The following FNIP2 variants were observed in gnomAD, a reference collection of about 807,000 sequenced individuals.
FNIP2 encodes folliculin interacting protein 2, also known as folliculin-interacting protein 2.
In FNIP2, 32 loss-of-function variants were observed where a neutral mutation model predicts 108.7. That is an observed-to-expected ratio of 0.29 (90% CI 0.22 to 0.40). The LOEUF (loss-of-function observed/expected upper bound fraction) is 0.40. FNIP2 is among the 10% of genes least tolerant of loss of function. The probability of loss-of-function intolerance (pLI) is 1.00; values close to 1 mark genes in which losing one functional copy is unlikely to be tolerated. For missense variants in FNIP2, 1,202 were observed against 1,381.6 expected (o/e 0.87, Z 2.06); for synonymous variants, 480 against 496.7 (o/e 0.97, Z 0.45).
At chr4:158,870,556 G>T in intron 14 of FNIP2, 87 bp downstream of exon 14, 1 of 1,480,128 alleles carries the variant, frequency 6.8e-7, no homozygotes, top group Non-Finnish European at 9.1e-7. Flanking sequence ...ACTGAAGAGA[G>T]ACTAGTTAAG....
At chr4:158,804,758 G>A (rs1316950603) in intron 1 of FNIP2, among the ~76,000 whole-genome samples, 1 of 152,216 alleles carries the variant, frequency 6.6e-6, no homozygotes, top group Non-Finnish European at 1.5e-5. Flanking sequence ...AAAAGAGAAA[G>A]TGACTTTAAA....
At chr4:158,896,667 G>C (rs1052688424) in intron 16 of FNIP2, among the ~76,000 whole-genome samples, 4 of 151,846 alleles carry the variant, frequency 2.6e-5, no homozygotes, top group African/African-American at 9.7e-5. Flanking sequence ...TGTGTTGTTC[G>C]GCTCTTGGCA....
chr4:158,832,256 A>G (rs572159915), intron 5 of FNIP2, 118 bp downstream of exon 5: 1 of 762,778 alleles, frequency 1.3e-6, no homozygotes, highest in Non-Finnish European at 2.1e-6. Flanking sequence ...AGTCCAAATT[A>G]ACAAAGGGGC....
rs1729876096 is a variant in FNIP2 at position 158,906,765 on chromosome 4, TTTTC to T, written c.*2225_*2228del. 1 of 152,014 alleles carries T rather than the reference TTTTC, an allele frequency of 6.6e-6. No homozygotes were observed. The highest frequency in any genetic ancestry group is 2.1e-4 in the South Asian group (1 of 4,820). 9.4% of individuals were successfully genotyped at this position (152,014 alleles called of 1,614,324 possible). On this transcript the variant is annotated 3_prime_UTR_variant, in exon 17 of 17. Coordinates refer to ENST00000264433, the MANE Select transcript of FNIP2 (RefSeq NM_020840.3). The stretch of plus-strand genomic sequence containing the variant: ...ATCCTTTAAATATTTAACATTCAAG[TTTTC>T]TTTGTCTTAAATTCAGCCTCTTCCT...
intron 1 of FNIP2, among the ~76,000 whole-genome samples, chr4:158,808,086 C>A (rs1455213270): frequency 1.3e-5 from 2 of 152,192 alleles, no homozygotes; most frequent in Non-Finnish European, 2.9e-5. Context: ...TTTTCTTAAT[C>A]TCACTCTCAA....
Position 158,907,815 on chromosome 4 carries a change from A to G in FNIP2, c.*3271A>G, listed in dbSNP as rs1053776320. ...TAAATGTCAAAATATGATGAACGAT[A>G]TATCTTGAAAGTGAGATTGCAATAT... is the stretch of plus-strand genomic sequence containing the variant. On this transcript the variant is annotated 3_prime_UTR_variant, in exon 17 of 17. Coordinates refer to ENST00000264433, the MANE Select transcript of FNIP2 (RefSeq NM_020840.3). The G allele has an allele frequency of 6.6e-6, 1 of 152,214 alleles. No individual in the cohort carries two copies. The highest frequency in any genetic ancestry group is 1.5e-5 in the Non-Finnish European group (1 of 68,040). The allele number at this position is 152,214 out of a possible 1,614,324, so 9.4% of individuals were successfully genotyped here. A position where few individuals can be genotyped will look rare whatever the true frequency, so the allele number is the denominator to read the frequency against.
chr4:158,820,940 C>CT (rs1777850867), intron 1 of FNIP2, among the ~76,000 whole-genome samples: 2 of 152,242 alleles, frequency 1.3e-5, no homozygotes, highest in South Asian at 4.2e-4. Flanking sequence ...TTGAACATAT[C>CT]TTTTTTGGGG....
chr4:158,798,936 G>A (rs1776675262), intron 1 of FNIP2, among the ~76,000 whole-genome samples: 1 of 152,194 alleles, frequency 6.6e-6, no homozygotes, highest in African/African-American at 2.4e-5. Context: ...TGTTATAAAT[G>A]TTAAAAATTA....
chr4:158,808,594 T>G (rs1777098549), intron 1 of FNIP2: 1 of 152,010 alleles, frequency 6.6e-6, no homozygotes, highest in Admixed American at 6.6e-5. Context: ...TTCCAGAACT[T>G]CTTTAGGACT....
chr4:158,820,106 G>A (rs936285043), intron 1 of FNIP2, among the ~76,000 whole-genome samples: 4 of 152,052 alleles, frequency 2.6e-5, no homozygotes, highest in Admixed American at 6.5e-5. Context: ...TTTTTGTTTT[G>A]TTTCATTTTG....
At chr4:158,893,386 T>C (rs902686221) in intron 15 of FNIP2, 6 of 268,792 alleles carry the variant, frequency 2.2e-5, no homozygotes, top group Non-Finnish European at 3.5e-5. Flanking sequence ...TCTCCTATGG[T>C]TATGAAATTA....
chr4:158,893,486 A>G (rs1782419079), intron 15 of FNIP2: 2 of 520,274 alleles, frequency 3.8e-6, no homozygotes, highest in Non-Finnish European at 3.5e-6. Context: ...AGTCAATAAC[A>G]ATTAGTTTCA....
intron 14 of FNIP2, among the ~76,000 whole-genome samples, chr4:158,879,074 A>C (rs1473299966): frequency 6.7e-6 from 1 of 150,296 alleles, no homozygotes; most frequent in Admixed American, 6.6e-5. Context: ...CAGAGTGAAG[A>C]GACTTTATAG....
intron 14 of FNIP2, chr4:158,890,310 A>G (rs549880939): frequency 1.5e-5 from 15 of 984,942 alleles, no homozygotes; most frequent in Non-Finnish European, 1.6e-5. Flanking sequence ...AAAAATATAA[A>G]CCCTATTACC....
chr4:158,895,365 G>T (rs1292101384), intron 15 of FNIP2, among the ~76,000 whole-genome samples: 1 of 152,116 alleles, frequency 6.6e-6, no homozygotes, highest in Non-Finnish European at 1.5e-5. Context: ...ATGTGGTTAC[G>T]TGTAAATTCA....
At chr4:158,880,504 T>G (rs1479824389) in intron 14 of FNIP2, among the ~76,000 whole-genome samples, 1 of 152,138 alleles carries the variant, frequency 6.6e-6, no homozygotes, top group Non-Finnish European at 1.5e-5. Flanking sequence ...GACGAGTTAA[T>G]GGGTGCAGCA....
At chr4:158,816,960 G>A (rs1217743438) in intron 1 of FNIP2, among the ~76,000 whole-genome samples, 1 of 151,830 alleles carries the variant, frequency 6.6e-6, no homozygotes, top group Non-Finnish European at 1.5e-5. Flanking sequence ...GAACCATTTT[G>A]GGGAAAAATG....
intron 1 of FNIP2, 67 bp from the exon 2 acceptor site, chr4:158,825,849 T>C: frequency 6.4e-7 from 1 of 1,557,918 alleles, no homozygotes; most frequent in Middle Eastern, 1.7e-4. Context: ...ACTGGGAAGC[T>C]TATCTGTCTG....
chr4:158,901,103 G>C (rs1412116944), intron 16 of FNIP2, among the ~76,000 whole-genome samples: 2 of 150,682 alleles, frequency 1.3e-5, no homozygotes, highest in African/African-American at 4.9e-5. Context: ...GCTTAGTTTG[G>C]CTGGATATGA....
Sources: allele counts gnomAD v4.1 joint callset (sites outside exome capture counted in the v4.1 genomes callset), GRCh38; gene constraint gnomAD v4.1.1; transcripts MANE v1.5; gene names NCBI Gene and HGNC (gene_info 2026-07-23, HGNC 2026-07-21).